Variants in CLDN20 observed in about 807,000 individuals in gnomAD.
CLDN20 encodes claudin-20.
For synonymous variants in CLDN20, 104 were observed against 103.6 expected (o/e 1.00, Z -0.03); for missense variants, 258 against 267.9 (o/e 0.96, Z 0.26).
intron 1 of CLDN20, among the ~76,000 whole-genome samples, chr6:155,265,459 T>C (rs1166439110): frequency 1.3e-5 from 2 of 151,634 alleles, no homozygotes; most frequent in East Asian, 3.9e-4. Context: ...GGTCAGTACA[T>C]TCGTATATTC....
At chr6:155,274,156 A>G (rs1248116279) in intron 1 of CLDN20, among the ~76,000 whole-genome samples, 1 of 152,238 alleles carries the variant, frequency 6.6e-6, no homozygotes, top group Non-Finnish European at 1.5e-5. Flanking sequence ...TTGACTCAAG[A>G]GCCTGTATCA....
intron 1 of CLDN20, among the ~76,000 whole-genome samples, chr6:155,269,128 T>C (rs566583652): frequency 2.6e-5 from 4 of 151,986 alleles, no homozygotes; most frequent in South Asian, 2.1e-4. Flanking sequence ...TTTGTTTCCA[T>C]AGCTTATAAA....
At chr6:155,273,581 G>A (rs1376883448) in intron 1 of CLDN20, among the ~76,000 whole-genome samples, 1 of 152,136 alleles carries the variant, frequency 6.6e-6, no homozygotes, top group Non-Finnish European at 1.5e-5. Flanking sequence ...AGGGGAGTGG[G>A]TGAAGTAGAC....
At chr6:155,270,691 G>A (rs946062842) in intron 1 of CLDN20, among the ~76,000 whole-genome samples, 4 of 152,184 alleles carry the variant, frequency 2.6e-5, no homozygotes, top group African/African-American at 9.6e-5. Flanking sequence ...GGTTAGAGTG[G>A]GGAGCAGCCG....
chr6:155,266,970 C>CTTT (rs375412255), intron 1 of CLDN20, among the ~76,000 whole-genome samples: 2,290 of 127,290 alleles, frequency 0.018, 123 homozygotes, highest in African/African-American at 0.065. Flanking sequence ...ACTTTGCTGC[C>CTTT]TTTTTTTTTT....
chr6:155,268,946 T>TAAAAAAA (rs1204779447), intron 1 of CLDN20, among the ~76,000 whole-genome samples: 4 of 46,300 alleles, frequency 8.6e-5, no homozygotes, highest in African/African-American at 1.6e-4. Context: ...AATGATCAAT[T>TAAAAAAA]AAAAAAAAAA....
In CLDN20 at chr6:155,266,500, A is replaced by AG. The variant is rs1022640226; in HGVS notation, c.-105+2218dup. ...GAGTCCCTGCTGGATACAGCTCACC[A>AG]GGGGGGATGAAAAGCCAGATACAAA... On this transcript the variant is annotated intron_variant, in intron 1 of 1. Transcript: ENST00000367165. Among the ~76,000 whole-genome samples, 5 of 152,262 alleles carry AG rather than the reference A, an allele frequency of 3.3e-5. No individual in the cohort carries two copies. The South Asian group carries it at 8.3e-4, about 25-fold the overall frequency.
intron 1 of CLDN20, among the ~76,000 whole-genome samples, chr6:155,265,320 C>T (rs1360438512): frequency 6.6e-6 from 1 of 152,194 alleles, no homozygotes; most frequent in Admixed American, 6.5e-5. Context: ...TAAACAAACT[C>T]AGAAGGCACT....
intron 1 of CLDN20, among the ~76,000 whole-genome samples, chr6:155,268,139 A>C (rs183314438): frequency 6.6e-6 from 1 of 151,960 alleles, no homozygotes; most frequent in Non-Finnish European, 1.5e-5. Flanking sequence ...CAATATCTCT[A>C]CTCATCTAGT....
chr6:155,272,178 T>A lies in CLDN20; in HGVS notation c.-104-3438T>A, dbSNP rs974359084. 2.6e-5 allele frequency among the ~76,000 whole-genome samples: 4 copies of A among 152,188 alleles called. No individual in the cohort carries two copies. In the East Asian group the frequency reaches 7.7e-4, roughly 29 times the overall value. On this transcript the variant is annotated intron_variant, in intron 1 of 1. Transcript: ENST00000367165. ...CAACTGACCGAAGGAGTTAAGACAG[T>A]GAAGGCTACTGACAAAAGGTATGGT...
Position 155,275,970 on chromosome 6 carries a change from T to TGGTCC in CLDN20, c.252_256dup (p.Leu86ArgfsTer17). 6.2e-7 allele frequency: 1 copy of TGGTCC among 1,614,216 alleles called. No individual in the cohort carries two copies. Among genetic ancestry groups the TGGTCC allele is most frequent in the Non-Finnish European group, 8.5e-7 (1 of 1,180,038 alleles). ...CACGTGCAGGCTGCGAGAGCCACCATGGTCCTGGCGTGTGTTCTGTCTGCT... is the reference window on the plus strand; with the variant it reads ...CACGTGCAGGCTGCGAGAGCCACCATGGTCCGGTCCTGGCGTGTGTTCTGTCTGCT... On this transcript the variant is annotated frameshift_variant, in exon 2 of 2. Transcript: ENST00000367165. LOFTEE classifies it low-confidence loss of function (END_TRUNC).
At chr6:155,269,326 T>TTTC (rs1214092060) in intron 1 of CLDN20, among the ~76,000 whole-genome samples, 314 of 144,630 alleles carry the variant, frequency 2.2e-3, no homozygotes, top group Non-Finnish European at 2.6e-3. Flanking sequence ...TTTCTTTTCT[T>TTTC]TTTTTTTTTT....
intron 1 of CLDN20, among the ~76,000 whole-genome samples, chr6:155,270,482 A>G (rs1784868986): frequency 6.6e-6 from 1 of 152,158 alleles, no homozygotes; most frequent in Non-Finnish European, 1.5e-5. Flanking sequence ...TTCTGCCTTC[A>G]TTAAAGGTCT....
In CLDN20 at chr6:155,265,060, A is replaced by G. The variant is rs562227342; in HGVS notation, c.-105+772A>G. The stretch of plus-strand genomic sequence containing the variant: ...ACCTTCCTAAAACTAGGCCTTTTCC[A>G]CAAACCACGCCCTTGGTGTCTGTGA... On this transcript the variant is annotated intron_variant, in intron 1 of 1. Coordinates refer to ENST00000367165, the MANE Select transcript of CLDN20 (RefSeq NM_001001346.3). Among the ~76,000 whole-genome samples the G allele has an allele frequency of 4.6e-5, 7 of 152,356 alleles. No homozygotes were observed. In the East Asian group the frequency reaches 1.4e-3, roughly 29 times the overall value.
At chr6:155,264,673 T>C (rs1784538266) in intron 1 of CLDN20, among the ~76,000 whole-genome samples, 1 of 152,176 alleles carries the variant, frequency 6.6e-6, no homozygotes, top group Non-Finnish European at 1.5e-5. Flanking sequence ...AAAGAACAGA[T>C]TTTAAACAGT....
At chr6:155,268,104 C>A (rs1479434586) in intron 1 of CLDN20, among the ~76,000 whole-genome samples, 1 of 152,194 alleles carries the variant, frequency 6.6e-6, no homozygotes, top group Non-Finnish European at 1.5e-5. Flanking sequence ...TATGAACACC[C>A]TTTATCTTGA....
At chr6:155,267,615 C>G (rs76691180) in intron 1 of CLDN20, among the ~76,000 whole-genome samples, 25 of 152,286 alleles carry the variant, frequency 1.6e-4, no homozygotes, top group South Asian at 4.1e-4. Flanking sequence ...CAGCTACTAG[C>G]TAAAACTGGT....
At chr6:155,269,192 C>T (rs1784808396) in intron 1 of CLDN20, among the ~76,000 whole-genome samples, 1 of 151,726 alleles carries the variant, frequency 6.6e-6, no homozygotes, top group Non-Finnish European at 1.5e-5. Context: ...AGAGGTGGGG[C>T]AATGCTATGT....
At chr6:155,270,275 A>G (rs181179015) in intron 1 of CLDN20, among the ~76,000 whole-genome samples, 1 of 152,348 alleles carries the variant, frequency 6.6e-6, no homozygotes, top group African/African-American at 2.4e-5. Flanking sequence ...CAGCAGACAG[A>G]AACACAACTT....
Sources: allele counts gnomAD v4.1 joint callset (sites outside exome capture counted in the v4.1 genomes callset), GRCh38; gene constraint gnomAD v4.1.1; transcripts MANE v1.5; gene names NCBI Gene and HGNC (gene_info 2026-07-23, HGNC 2026-07-21).